Variants in NXPE2 observed in about 807,000 individuals in gnomAD.
The protein encoded by NXPE2 is neurexophilin and PC-esterase domain family member 2, also known as NXPE family member 2.
A neutral mutation model predicts 34.4 loss-of-function variants in NXPE2; 34 were observed. The ratio of observed to expected loss-of-function variants is 0.99; its 90% CI spans 0.75 to 1.31. The LOEUF is 1.31. Ranked by LOEUF, NXPE2 falls within the 40% of genes most tolerant of loss-of-function variation. The probability of loss-of-function intolerance (pLI) is 0.00; values close to 1 mark genes in which losing one functional copy is unlikely to be tolerated. For missense variants in NXPE2, 649 were observed against 672.5 expected (o/e 0.97, Z 0.39); for synonymous variants, 235 against 231.3 (o/e 1.02, Z -0.15).
chr11:114,604,926 G>A, the NXPE2 span, among the ~76,000 whole-genome samples: 1 of 151,924 alleles, frequency 6.6e-6, no homozygotes, highest in Non-Finnish European at 1.5e-5. Context: ...GTTGCCTCTA[G>A]GGTACCCACT....
chr11:114,585,426 T>C, the NXPE2 span, among the ~76,000 whole-genome samples: 1 of 152,004 alleles, frequency 6.6e-6, no homozygotes, highest in Non-Finnish European at 1.5e-5. Context: ...GAAAGTGAAG[T>C]AATGGAAAAA....
chr11:114,540,102 C>T, the NXPE2 span, among the ~76,000 whole-genome samples: 2 of 152,190 alleles, frequency 1.3e-5, no homozygotes, highest in African/African-American at 4.8e-5. Flanking sequence ...ATTACAGACG[C>T]CTGCCATCAT....
chr11:114,620,523 A>G, the NXPE2 span, among the ~76,000 whole-genome samples: 2 of 151,624 alleles, frequency 1.3e-5, no homozygotes, highest in Non-Finnish European at 3.0e-5. Context: ...AACCACTTTA[A>G]GGCGGTAGAT....
chr11:114,521,727 A>C, the NXPE2 span: 2 of 434,640 alleles, frequency 4.6e-6, no homozygotes, highest in East Asian at 3.6e-5. Flanking sequence ...GCTTTTAAAA[A>C]ACTTTTTTAA....
At chr11:114,539,660 T>G in the NXPE2 span, among the ~76,000 whole-genome samples, 1 of 152,176 alleles carries the variant, frequency 6.6e-6, no homozygotes. Context: ...GATTAACTAA[T>G]TCCAAAATTT....
the NXPE2 span, among the ~76,000 whole-genome samples, chr11:114,789,093 G>A: frequency 1.3e-5 from 2 of 152,178 alleles, no homozygotes; most frequent in Non-Finnish European, 2.9e-5. Flanking sequence ...GGAAAAATAA[G>A]TTCAAAAGAT....
the NXPE2 span, among the ~76,000 whole-genome samples, chr11:114,718,681 T>C: frequency 6.6e-6 from 1 of 152,140 alleles, no homozygotes; most frequent in Non-Finnish European, 1.5e-5. Flanking sequence ...AGTGGTCAAA[T>C]ATGGGACAAT....
the NXPE2 span, among the ~76,000 whole-genome samples, chr11:114,619,086 G>T: frequency 0.084 from 12,831 of 152,022 alleles, 652 homozygotes; most frequent in Middle Eastern, 0.2. Flanking sequence ...ATTGCATCAT[G>T]GGTAACCACT....
At chr11:114,681,086 A>C (rs576892365) in intron 2 of NXPE2, among the ~76,000 whole-genome samples, 1 of 152,328 alleles carries the variant, frequency 6.6e-6, no homozygotes, top group African/African-American at 2.4e-5. Context: ...ACTAAGTCTT[A>C]TAAATCCTAC....
the NXPE2 span, among the ~76,000 whole-genome samples, chr11:114,663,718 TCTAC>T: frequency 1.7e-5 from 2 of 117,766 alleles, no homozygotes; most frequent in Non-Finnish European, 3.7e-5. Flanking sequence ...ATCTATCTGA[TCTAC>T]CTACCTATCT....
chr11:114,636,817 G>T, the NXPE2 span, among the ~76,000 whole-genome samples: 1 of 152,046 alleles, frequency 6.6e-6, no homozygotes, highest in African/African-American at 2.4e-5. Context: ...ATTGCACTGT[G>T]GTCTGAGAGA....
chr11:114,773,288 C>CCCCCCCCCCCCCCG, the NXPE2 span, among the ~76,000 whole-genome samples: 44 of 95,902 alleles, frequency 4.6e-4, no homozygotes, highest in Non-Finnish European at 7.6e-4. Flanking sequence ...CACCCCCCCC[C>CCCCCCCCCCCCCCG]CACCCCATTC....
At chr11:114,469,079 A>G in the NXPE2 span, among the ~76,000 whole-genome samples, 2 of 151,256 alleles carry the variant, frequency 1.3e-5, no homozygotes, top group Non-Finnish European at 2.9e-5. Context: ...ATCTGTTACA[A>G]TGTAAGGAGT....
At chr11:114,671,700 G>C in the NXPE2 span, among the ~76,000 whole-genome samples, 1 of 151,936 alleles carries the variant, frequency 6.6e-6, no homozygotes, top group Non-Finnish European at 1.5e-5. Context: ...TAGCAAAACT[G>C]TCTTTAAAAG....
the NXPE2 span, among the ~76,000 whole-genome samples, chr11:114,719,960 C>T: frequency 1.3e-5 from 2 of 152,316 alleles, no homozygotes; most frequent in East Asian, 3.9e-4. Context: ...GACATATATC[C>T]TTCAGTCTGC....
chr11:114,623,404 C>T, the NXPE2 span, among the ~76,000 whole-genome samples: 4 of 151,872 alleles, frequency 2.6e-5, no homozygotes, highest in Non-Finnish European at 4.4e-5. Context: ...GCAGTGGGTA[C>T]CATTGTTACC....
chr11:114,626,148 G>A, the NXPE2 span, among the ~76,000 whole-genome samples: 1 of 152,172 alleles, frequency 6.6e-6, no homozygotes, highest in Non-Finnish European at 1.5e-5. Context: ...AAGCAGCCGG[G>A]AAGCTCGAAC....
the NXPE2 span, among the ~76,000 whole-genome samples, chr11:114,735,127 A>G: frequency 6.6e-6 from 1 of 152,020 alleles, no homozygotes; most frequent in Non-Finnish European, 1.5e-5. Flanking sequence ...AATAATAATA[A>G]TAATAACCAT....
chr11:114,602,346 ATATAC>A, the NXPE2 span, among the ~76,000 whole-genome samples: 9 of 125,938 alleles, frequency 7.1e-5, no homozygotes, highest in African/African-American at 2.7e-4. Flanking sequence ...TATCTATAAC[ATATAC>A]TATATATAAT....
Sources: gnomAD v4.1 joint callset for allele counts (sites outside exome capture counted in the v4.1 genomes callset) on GRCh38, gnomAD v4.1.1 for gene constraint, MANE v1.5 for transcripts, NCBI Gene and HGNC (gene_info 2026-07-23, HGNC 2026-07-21) for gene names.